The following ZNF484 variants were observed in gnomAD, a reference collection of about 807,000 sequenced individuals.
The protein encoded by ZNF484 is zinc finger protein 484.
In ZNF484, 11 loss-of-function variants were observed where a neutral mutation model predicts 12.9. That is an observed-to-expected ratio of 0.85 (90% CI 0.54 to 1.41). The LOEUF (loss-of-function observed/expected upper bound fraction) is 1.41, where lower values mean the gene tolerates loss of function less well. ZNF484 is among the 40% of genes most tolerant of loss of function. ZNF484 has a pLI of 0.00. For missense variants in ZNF484, 807 were observed against 1,007.7 expected (o/e 0.80, Z 2.70); for synonymous variants, 289 against 334.1 (o/e 0.86, Z 1.47).
chr9:92,859,960 G>A (rs1342455159), intron 2 of ZNF484, among the ~76,000 whole-genome samples: 2 of 152,128 alleles, frequency 1.3e-5, no homozygotes, highest in East Asian at 1.9e-4. Flanking sequence ...ATGATAATAC[G>A]CATGGAGTAT....
rs1855855330 is a variant in ZNF484, at chr9:92,848,570, A to G, written c.236-19T>C. ...TCCCCATCTAAAAAAGAAAGAAAAG[A>G]TAAGACTGACAAAAAGAACAATTAA... On this transcript the variant is annotated intron_variant, in intron 4 of 4. Coordinates refer to ENST00000375495, the MANE Select transcript of ZNF484 (RefSeq NM_031486.4). This position sits in a 1 kb window ranked among gnomAD's most constrained non-coding sequence, Gnocchi z 4.1. 6.5e-7 allele frequency: 1 copy of G among 1,550,218 alleles called. No individual in the cohort carries two copies. The highest frequency in any genetic ancestry group is 8.6e-7 in the Non-Finnish European group (1 of 1,159,384).
chr9:92,865,736 G>A (rs191502340), intron 2 of ZNF484, among the ~76,000 whole-genome samples: 67 of 152,052 alleles, frequency 4.4e-4, no homozygotes, highest in Admixed American at 8.5e-4. Context: ...GCAAGACGCC[G>A]TCTCTACAAA....
At chr9:92,874,953 C>G (rs1857704515) in intron 2 of ZNF484, 62 bp downstream of exon 2, 1 of 1,517,112 alleles carries the variant, frequency 6.6e-7, no homozygotes, top group Admixed American at 1.7e-5. Context: ...TTAGATGTCT[C>G]CTAAAATCCA....
Position 92,847,277 on chromosome 9 carries a change from C to T in ZNF484, c.1510G>A (p.Ala504Thr). ...ATGAGATTTGACCTGTCAGTAAAGG[C>T]CTTACCACACACAGTACATATATAG... ...RPYICTVCGK[A>T]FTDRSNLIKH... The change falls in exon 5 of 5, where the codon GCC (alanine) becomes ACC (threonine). Residue 504 changes from alanine to threonine, a missense_variant. Coordinates refer to ENST00000375495, the MANE Select transcript of ZNF484 (RefSeq NM_031486.4). 2 of 1,614,044 alleles carry T rather than the reference C, an allele frequency of 1.2e-6. No individual in the cohort carries two copies. Among genetic ancestry groups the T allele is most frequent in the African/African-American group, 1.3e-5 (1 of 75,018 alleles).
intron 2 of ZNF484, among the ~76,000 whole-genome samples, chr9:92,858,952 G>A (rs550416612): frequency 2.6e-5 from 4 of 151,648 alleles, no homozygotes; most frequent in East Asian, 1.9e-4. Context: ...GGTGAAACCC[G>A]GTCTCTACTA....
At chr9:92,877,519 A>T (rs1272168291) in intron 1 of ZNF484, among the ~76,000 whole-genome samples, 1 of 152,182 alleles carries the variant, frequency 6.6e-6, no homozygotes, top group Non-Finnish European at 1.5e-5. Context: ...ATAATGAAAC[A>T]GAAACGAAAA....
intron 4 of ZNF484, among the ~76,000 whole-genome samples, chr9:92,849,800 CTTTT>C (rs770649998): frequency 6.9e-6 from 1 of 144,676 alleles, no homozygotes; most frequent in African/African-American, 2.5e-5. Flanking sequence ...CTCTCTCTCT[CTTTT>C]TTTTTTTTCT....
chr9:92,855,144 C>G (rs144339016), intron 4 of ZNF484, among the ~76,000 whole-genome samples: 1 of 152,162 alleles, frequency 6.6e-6, no homozygotes, highest in African/African-American at 2.4e-5. Flanking sequence ...ATTATTAACT[C>G]AATCTTCTGT....
chr9:92,857,012 C>T (rs553049082), intron 2 of ZNF484, among the ~76,000 whole-genome samples: 32 of 152,340 alleles, frequency 2.1e-4, no homozygotes, highest in African/African-American at 7.0e-4. Context: ...GCATGAGCCA[C>T]GACACCCAGC....
Position 92,874,895 on chromosome 9 carries a change from G to A in ZNF484, c.15+120C>T, listed in dbSNP as rs1587774782. 3 of 962,264 alleles carry A rather than the reference G, an allele frequency of 3.1e-6. No homozygotes were observed. In the East Asian group the frequency reaches 7.9e-5, roughly 25 times the overall value. 59.6% of individuals were successfully genotyped at this position (962,264 alleles called of 1,614,324 possible). ...TGACAGTCTCTTCTTCATTTTATCT[G>A]ATCTTAGTTTTTATTTATTTAGTCT... On this transcript the variant is annotated intron_variant, in intron 2 of 4. Transcript: ENST00000375495.
chr9:92,853,045 G>A (rs750834650), intron 4 of ZNF484, among the ~76,000 whole-genome samples: 56 of 152,194 alleles, frequency 3.7e-4, no homozygotes, highest in Non-Finnish European at 5.0e-4. Context: ...ATATTAAGTA[G>A]TAACTTTAGT....
chr9:92,871,659 CAAA>C (rs1424094519), intron 2 of ZNF484, among the ~76,000 whole-genome samples: 2 of 152,046 alleles, frequency 1.3e-5, no homozygotes, highest in Non-Finnish European at 2.9e-5. Context: ...AAAATACAGA[CAAA>C]GAAAGAATGC....
intron 2 of ZNF484, among the ~76,000 whole-genome samples, chr9:92,869,299 TAAGCC>T (rs1857291243): frequency 1.3e-5 from 2 of 152,158 alleles, no homozygotes; most frequent in East Asian, 3.8e-4. Context: ...AACAAATGAT[TAAGCC>T]AGACACTTAT....
chr9:92,856,007 T>C, intron 3 of ZNF484, 104 bp from the exon 4 acceptor site: 4 of 1,410,578 alleles, frequency 2.8e-6, no homozygotes, highest in Non-Finnish European at 3.9e-6. Flanking sequence ...ATATTCACAC[T>C]ACCCGAAAGA....
Position 92,848,182 on chromosome 9 carries a change from T to A in ZNF484, c.605A>T (p.Asp202Val). Reference sequence around the variant, plus strand: ...AATATCACCATCTCCAATAGTCTTATCAGAATTTTCTGTTGCATTGTTTCT... The same window carrying A: ...AATATCACCATCTCCAATAGTCTTAACAGAATTTTCTGTTGCATTGTTTCT... ...YNRNNATENS[D>V]KTIGDGDIFT... is the part of the protein sequence containing the mutation. Residue 202 changes from aspartate (D) to valine (V), a missense_variant, in exon 5 of 5, where the codon GAT becomes GTT. Asp to Val is a radical substitution (Grantham distance 152). Transcript: ENST00000375495. This position sits in a 1 kb window ranked among gnomAD's most constrained non-coding sequence, Gnocchi z 4.1. The A allele has an allele frequency of 6.2e-7, 1 of 1,614,096 alleles. No homozygotes were observed. The highest frequency in any genetic ancestry group is 1.3e-5 in the African/African-American group (1 of 75,030).
intron 2 of ZNF484, among the ~76,000 whole-genome samples, chr9:92,867,739 A>C (rs1857193080): frequency 6.6e-6 from 1 of 152,228 alleles, no homozygotes; most frequent in African/African-American, 2.4e-5. Flanking sequence ...CAGTAACCTG[A>C]AACTTTCCAT....
At chr9:92,855,101 T>C (rs1856356731) in intron 4 of ZNF484, among the ~76,000 whole-genome samples, 1 of 152,074 alleles carries the variant, frequency 6.6e-6, no homozygotes, top group Non-Finnish European at 1.5e-5. Flanking sequence ...TTAAACACAT[T>C]GATGATGATA....
chr9:92,875,117 C>T (rs1857716936), intron 1 of ZNF484, 58 bp from the exon 2 acceptor site: 14 of 1,489,276 alleles, frequency 9.4e-6, no homozygotes. Context: ...CAATGTCACA[C>T]ATGGACACAT....
At chr9:92,854,280 G>A (rs938006599) in intron 4 of ZNF484, among the ~76,000 whole-genome samples, 28 of 152,202 alleles carry the variant, frequency 1.8e-4, no homozygotes, top group African/African-American at 6.5e-4. Context: ...TATGGGTAGG[G>A]ATGTGGGGAA....
Sources: gnomAD v4.1 joint callset for allele counts (sites outside exome capture counted in the v4.1 genomes callset) on GRCh38, gnomAD v4.1.1 for gene constraint, Gnocchi (gnomAD v3.1) non-coding constraint, MANE v1.5 for transcripts, NCBI Gene and HGNC (gene_info 2026-07-23, HGNC 2026-07-21) for gene names.